FLNA: variants seen among roughly 807,000 people sequenced by gnomAD.
FLNA encodes filamin-A.
Under a neutral mutation model 157.6 loss-of-function variants are expected in FLNA, and 7 were observed. That is an observed-to-expected ratio of 0.04 (90% CI 0.03 to 0.08). The LOEUF (loss-of-function observed/expected upper bound fraction) is 0.08, where lower values mean the gene tolerates loss of function less well. FLNA is among the 10% of genes least tolerant of loss of function. The probability of loss-of-function intolerance (pLI) is 1.00; values close to 1 mark genes in which losing one functional copy is unlikely to be tolerated. For synonymous variants in FLNA, 1,103 were observed against 1,060.8 expected (o/e 1.04, Z -0.77); for missense variants, 1,750 against 2,398.4 (o/e 0.73, Z 5.65).
chrX:154,349,286 C>A (rs192089041), intron 47 of FLNA, 76 bp downstream of exon 47: 126 of 1,075,389 alleles, frequency 1.2e-4, no homozygotes, highest in Non-Finnish European at 1.6e-4. Flanking sequence ...GGTCCCTGCT[C>A]TCCCAGACAC....
chrX:154,361,711 C>A lies in FLNA; in HGVS notation c.2903G>T (p.Ser968Ile). The A allele has an allele frequency of 2.5e-6, 3 of 1,210,795 alleles. No individual in the cohort carries two copies. The highest frequency in any genetic ancestry group is 3.4e-6 in the Non-Finnish European group (3 of 894,840). ...CACCTTGATCTTGCTGAGGTCCAGG[C>A]TTGGAGATACTGCCACTGAGAAAGG... ...KSPFSVAVSP[S>I]LDLSKIKVSG... The change falls in exon 20 of 48, where the codon AGC becomes ATC. Residue 968 changes from serine to isoleucine, a missense_variant. This residue lies in a region of FLNA where 648 missense variants were observed against 805.8 expected (regional missense o/e 0.80). Transcript: ENST00000369850.
intron 29 of FLNA, 34 bp downstream of exon 29, chrX:154,357,400 G>C: frequency 1.7e-6 from 2 of 1,200,730 alleles, no homozygotes; most frequent in Non-Finnish European, 2.3e-6. Context: ...GCCCCGTGCC[G>C]AGCGCCGCAG....
At chrX:154,350,708 A>C in intron 44 of FLNA, 11 of 442,812 alleles carry the variant, frequency 2.5e-5, no homozygotes, top group East Asian at 3.9e-5. Flanking sequence ...ACTGCAGGGT[A>C]GAAGGCCTTC....
At position 154,352,670 on chromosome X, in the gene FLNA, G is replaced by A. The variant is rs1277448008; in HGVS notation, c.6385C>T (p.Pro2129Ser). The change falls in exon 40 of 48, where the codon CCC (proline) becomes TCC (serine). Residue 2129 changes from proline (P) to serine (S), a missense_variant. Pro to Ser is a moderately conservative substitution (Grantham distance 74, BLOSUM62 -1). Transcript: ENST00000369850. The stretch of plus-strand genomic sequence containing the variant: ...TCGCCTGTCACCTTCACAGAGAAGG[G>A]GCTGCCTGCAGGAAGAAAGCACGGC... ...KFADQHVPGS[P>S]FSVKVTGEGR... The A allele has an allele frequency of 2.5e-6, 3 of 1,210,994 alleles. No homozygotes were observed. Among genetic ancestry groups the A allele is most frequent in the African/African-American group, 3.5e-5 (2 of 57,662 alleles).
At chrX:154,370,663 G>C (rs1371183406) in intron 2 of FLNA, among the ~76,000 whole-genome samples, 1 of 112,912 alleles carries the variant, frequency 8.9e-6, no homozygotes, top group African/African-American at 3.2e-5. Flanking sequence ...CGCAGCGGGC[G>C]GGGGCGCGTA....
rs1358869497 is a variant in FLNA at position 154,352,311 on chromosome X, G to A, written c.6639C>T (p.Ser2213=). 14 of 1,210,968 alleles carry A rather than the reference G, an allele frequency of 1.2e-5. No homozygotes were observed. Among genetic ancestry groups the A allele is most frequent in the Admixed American group, 2.2e-5 (1 of 46,017 alleles). Residue 2213 remains serine (S), a synonymous_variant, in exon 41 of 48, where the codon AGC becomes AGT. Coordinates refer to ENST00000369850, the MANE Select transcript of FLNA (RefSeq NM_001110556.2). ...GCACGTGCTGGCCCTTGTACTTCAC[G>A]CTGACTGTGTGTGTGCCCATCTCAG... ...VPAEMGTHTV[S]VKYKGQHVPG...
At chrX:154,365,877 A>C in intron 9 of FLNA, 147 bp downstream of exon 9, 1 of 489,332 alleles carries the variant, frequency 2.0e-6, no homozygotes, top group African/African-American at 2.4e-5. Context: ...CCAGCAGGGG[A>C]GGAAAAACAG....
At chrX:154,359,928 C>A (rs2067692042) in intron 22 of FLNA, 23 bp from the exon 23 acceptor site, 1 of 1,209,851 alleles carries the variant, frequency 8.3e-7, no homozygotes, top group Non-Finnish European at 1.1e-6. Flanking sequence ...AGAGAGGAGG[C>A]TTGGGGCTCG....
chrX:154,360,399 C>A lies in FLNA; in HGVS notation c.3396G>T (p.Gly1132=), dbSNP rs2148112288. Residue 1132 remains glycine (G), a synonymous_variant, in exon 22 of 48, where the codon GGG becomes GGT. Coordinates refer to ENST00000369850, the MANE Select transcript of FLNA (RefSeq NM_001110556.2). ...CGAAGAGGATGTTGATGTTGTAGTC[C>A]CCGGGCTCGGTGGGCACGTAGGACA... ...CSVSYVPTEP[G]DYNINILFAD... 12 of 1,211,511 alleles carry A rather than the reference C, an allele frequency of 9.9e-6. No homozygotes were observed. Among genetic ancestry groups the A allele is most frequent in the Non-Finnish European group, 1.2e-5 (11 of 895,567 alleles).
At position 154,366,996 on chromosome X, in the gene FLNA, T is replaced by C. The variant is rs1248193387; in HGVS notation, c.869-146A>G. The C allele has an allele frequency of 5.8e-6, 3 of 519,189 alleles. No individual in the cohort carries two copies. The African/African-American group carries it at 6.9e-5, about 12-fold the overall frequency. 42.8% of individuals were successfully genotyped at this position (519,189 alleles called of 1,213,427 possible). A position where few individuals can be genotyped will look rare whatever the true frequency, so the allele number is the denominator to read the frequency against. ...TCAGTGTGAGCTGTGGCACAGAGCC[T>C]GGCCTCGGGACCCAGCTGTGCTCTC... is the stretch of plus-strand genomic sequence containing the variant. On this transcript the variant is annotated intron_variant, in intron 5 of 47. Transcript: ENST00000369850.
chrX:154,365,173 C>T lies in FLNA; in HGVS notation c.1654G>A (p.Val552Ile), dbSNP rs863223619. The T allele has an allele frequency of 6.6e-6, 8 of 1,210,168 alleles. No homozygotes were observed. The highest frequency in any genetic ancestry group is 3.5e-5 in the South Asian group (2 of 56,907). ...TTCTGACCACCCCACGTGATGGTGA[C>T]GATATAGGTTCCAGGGACCATGGGG... ...YYPMVPGTYI[V>I]TITWGGQNIG... The change falls in exon 11 of 48, where the codon GTC (valine) becomes ATC (isoleucine). Residue 552 changes from valine to isoleucine, a missense_variant. Val to Ile is a conservative substitution (Grantham distance 29). Transcript: ENST00000369850.
Position 154,358,972 on chromosome X carries a change from G to A in FLNA, c.4474+12C>T, listed in dbSNP as rs1782445902. On this transcript the variant is annotated intron_variant, in intron 26 of 47. Coordinates refer to ENST00000369850, the MANE Select transcript of FLNA (RefSeq NM_001110556.2). Reference sequence around the variant, plus strand: ...CCTCCTGACCCCTGGCTCCAGGCATGCAAACACTCACCTTTGGGCCCTTGC... The same window carrying A: ...CCTCCTGACCCCTGGCTCCAGGCATACAAACACTCACCTTTGGGCCCTTGC... The A allele has an allele frequency of 2.5e-6, 3 of 1,208,362 alleles. No individual in the cohort carries two copies. The highest frequency in any genetic ancestry group is 1.7e-5 in the African/African-American group (1 of 57,331).
intron 3 of FLNA, 31 bp from the exon 4 acceptor site, chrX:154,367,769 G>A (rs1284518395): frequency 8.3e-7 from 1 of 1,208,859 alleles, no homozygotes; most frequent in East Asian, 3.0e-5. Flanking sequence ...TGAGTCTGGG[G>A]GCCGCAGAAC....
chrX:154,363,173 T>C lies in FLNA; in HGVS notation c.2281-389A>G, dbSNP rs782738155. 2.2e-4 allele frequency among the ~76,000 whole-genome samples: 25 copies of C among 111,985 alleles called. No individual in the cohort carries two copies. In the Admixed American group the frequency reaches 2.4e-3, roughly 11 times the overall value. On this transcript the variant is annotated intron_variant, in intron 15 of 47. Transcript: ENST00000369850. ...GGCTCATGCCTGTAATCCCAGCACT[T>C]TGGAAGGCCAAGGTGGGCGGACCAC...
Position 154,359,540 on chromosome X carries a change from C to A in FLNA, c.4086G>T (p.Gly1362=). Residue 1362 remains glycine (G), a synonymous_variant, in exon 24 of 48, where the codon GGG becomes GGT. Coordinates refer to ENST00000369850, the MANE Select transcript of FLNA (RefSeq NM_001110556.2). Reference sequence around the variant, plus strand: ...TGGTGGTGCCACTTTGGATGCCTGGCCCGTGGACACGCACCCGGGAGGGGT... The same window carrying A: ...TGGTGGTGCCACTTTGGATGCCTGGACCGTGGACACGCACCCGGGAGGGGT... ...GCDPSRVRVH[G]PGIQSGTTNK... The A allele has an allele frequency of 4.1e-6, 5 of 1,211,342 alleles. No individual in the cohort carries two copies. Among genetic ancestry groups the A allele is most frequent in the Non-Finnish European group, 5.6e-6 (5 of 895,465 alleles).
chrX:154,371,300 C>A lies in FLNA; in HGVS notation c.-55G>T. 1 of 1,176,752 alleles carries A rather than the reference C, an allele frequency of 8.5e-7. No homozygotes were observed. Among genetic ancestry groups the A allele is most frequent in the Non-Finnish European group, 1.1e-6 (1 of 882,358 alleles). On this transcript the variant is annotated 5_prime_UTR_variant, in exon 2 of 48. Coordinates refer to ENST00000369850, the MANE Select transcript of FLNA (RefSeq NM_001110556.2). Reference sequence around the variant, plus strand: ...GCTGCAGCCTCGGCGAGGGGACGGCCCTTTAATTAAAGTCGCAGGCACCTA... The same window carrying A: ...GCTGCAGCCTCGGCGAGGGGACGGCACTTTAATTAAAGTCGCAGGCACCTA...
In FLNA at chrX:154,361,353, G is replaced by A; in HGVS notation, c.3162C>T (p.Gly1054=). 3 of 1,210,588 alleles carry A rather than the reference G, an allele frequency of 2.5e-6. No individual in the cohort carries two copies. Among genetic ancestry groups the A allele is most frequent in the Non-Finnish European group, 3.4e-6 (3 of 895,322 alleles). ...EVTYDGVPVP[G]SPFPLEAVAP... is the part of the protein sequence containing the mutation. Reference sequence around the variant, plus strand: ...CCACAGCTTCCAGAGGAAAGGGGCTGCCAGGCACGGGCACGCCGTCATAGG... The same window carrying A: ...CCACAGCTTCCAGAGGAAAGGGGCTACCAGGCACGGGCACGCCGTCATAGG... Residue 1054 remains glycine (G), a synonymous_variant, in exon 21 of 48, where the codon GGC becomes GGT. Coordinates refer to ENST00000369850, the MANE Select transcript of FLNA (RefSeq NM_001110556.2).
At chrX:154,363,815 C>A (rs1430953895) in intron 15 of FLNA, among the ~76,000 whole-genome samples, 4 of 112,217 alleles carry the variant, frequency 3.6e-5, no homozygotes, top group Non-Finnish European at 7.5e-5. Context: ...GCGAAAGAAG[C>A]CAGACACAAA....
intron 1 of FLNA, among the ~76,000 whole-genome samples, chrX:154,373,782 C>T (rs1269929846): frequency 8.8e-6 from 1 of 113,333 alleles, no homozygotes; most frequent in Non-Finnish European, 1.9e-5. Flanking sequence ...GTGAGGTCGC[C>T]CATTCCCAAG....
Sources: gnomAD v4.1 joint callset for allele counts (sites outside exome capture counted in the v4.1 genomes callset) on GRCh38, gnomAD v4.1.1 for gene constraint, gnomAD v4.1.1 regional missense constraint, MANE v1.5 for transcripts, NCBI Gene and HGNC (gene_info 2026-07-23, HGNC 2026-07-21) for gene names.